PLPPR1: variants seen among roughly 807,000 people sequenced by gnomAD.
The protein encoded by PLPPR1 is phospholipid phosphatase-related protein type 1.
A neutral mutation model predicts 33.1 loss-of-function variants in PLPPR1; 10 were observed. The ratio of observed to expected loss-of-function variants is 0.30; its 90% confidence interval spans 0.19 to 0.51. The LOEUF (loss-of-function observed/expected upper bound fraction) is 0.51, where lower values mean the gene tolerates loss of function less well. Among genes scored for constraint, PLPPR1 ranks in the 20% least tolerant of loss-of-function variants. The pLI, the probability that PLPPR1 is intolerant of heterozygous loss-of-function variation, is 0.97. For missense variants in PLPPR1, 304 were observed against 408.1 expected (o/e 0.74, Z 2.20); for synonymous variants, 151 against 151.0 (o/e 1.00, Z 0.00).
At position 101,246,895 on chromosome 9, in the gene PLPPR1, A is replaced by G. The variant is rs980995759; in HGVS notation, c.64-22985A>G. Among the ~76,000 whole-genome samples, 4 of 152,106 alleles carry G rather than the reference A, an allele frequency of 2.6e-5. No homozygotes were observed. In the East Asian group the frequency reaches 5.9e-4, roughly 22 times the overall value. ...CACCTGCATGACTCAGCTCTCTTCT[A>G]TGAATCTTTCACATCCTTCCACCTA... On this transcript the variant is annotated intron_variant, in intron 2 of 7. Transcript: ENST00000374874.
At chr9:101,124,469 C>T (rs988134454) in intron 1 of PLPPR1, among the ~76,000 whole-genome samples, 3 of 152,156 alleles carry the variant, frequency 2.0e-5, no homozygotes, top group African/African-American at 7.2e-5. Flanking sequence ...GATCTGTTCC[C>T]ATGTCATGGG....
At chr9:101,218,894 C>G (rs1325577295) in intron 2 of PLPPR1, among the ~76,000 whole-genome samples, 1 of 152,124 alleles carries the variant, frequency 6.6e-6, no homozygotes, top group African/African-American at 2.4e-5. Flanking sequence ...TAAGGAAAGT[C>G]ACAGAGACAA....
chr9:101,109,398 G>A (rs12236239), intron 1 of PLPPR1, among the ~76,000 whole-genome samples: 49,164 of 151,808 alleles, frequency 0.32, 9,059 homozygotes, highest in East Asian at 0.7. Context: ...CCCCAAGGGC[G>A]TAGTTGATGC....
intron 3 of PLPPR1, among the ~76,000 whole-genome samples, chr9:101,275,895 G>A (rs780549311): frequency 1.3e-5 from 2 of 152,090 alleles, no homozygotes; most frequent in Non-Finnish European, 2.9e-5. Flanking sequence ...GAATTTCCTA[G>A]GAAAGGAAGA....
chr9:101,122,870 C>T (rs1420124159), intron 1 of PLPPR1, among the ~76,000 whole-genome samples: 3 of 152,328 alleles, frequency 2.0e-5, no homozygotes, highest in South Asian at 2.1e-4. Flanking sequence ...TGTTTCAGTT[C>T]TGTCCAGAGG....
rs188157889 is a variant in PLPPR1 at position 101,066,183 on chromosome 9, A to G, written c.-46+37081A>G. Among the ~76,000 whole-genome samples the G allele has an allele frequency of 2.1e-3, 319 of 152,042 alleles. 1 individual carries two copies. Among genetic ancestry groups the G allele is most frequent in the African/African-American group, 7.3e-3 (304 of 41,512 alleles). ...CAGATATTTCATATAATGTTTTTCA[A>G]TTTGGGTTTGTCTGATATTTTCTCA... On this transcript the variant is annotated intron_variant, in intron 1 of 7. Coordinates refer to ENST00000374874, the MANE Select transcript of PLPPR1 (RefSeq NM_207299.2).
At chr9:101,262,958 A>G (rs1219549787) in intron 2 of PLPPR1, among the ~76,000 whole-genome samples, 1 of 152,140 alleles carries the variant, frequency 6.6e-6, no homozygotes, top group Non-Finnish European at 1.5e-5. Flanking sequence ...GAAAAATGAG[A>G]ACACCTGGAC....
intron 1 of PLPPR1, chr9:101,131,748 G>A (rs770331396): frequency 6.6e-6 from 1 of 152,216 alleles, no homozygotes; most frequent in Admixed American, 6.5e-5. Flanking sequence ...TAGAGAAACA[G>A]GTAGTGAAGA....
chr9:101,239,066 T>C (rs888359800), intron 2 of PLPPR1, among the ~76,000 whole-genome samples: 1 of 142,362 alleles, frequency 7.0e-6, no homozygotes, highest in Non-Finnish European at 1.5e-5. Context: ...ATTGAGTGTG[T>C]GTGTGTGTGT....
chr9:101,214,009 T>A (rs749683388), intron 2 of PLPPR1, among the ~76,000 whole-genome samples: 26 of 152,318 alleles, frequency 1.7e-4, no homozygotes, highest in Admixed American at 7.8e-4. Flanking sequence ...ACAGTTCTGA[T>A]CTCTGAAGAG....
rs554293237 is a variant in PLPPR1, at chr9:101,249,462, C to A, written c.64-20418C>A. Reference sequence around the variant, plus strand: ...TGGAGTACCATGTGGAAAAGATCAACAGGAAAGAGTCCCAAAAATTATTGG... The same window carrying A: ...TGGAGTACCATGTGGAAAAGATCAAAAGGAAAGAGTCCCAAAAATTATTGG... On this transcript the variant is annotated intron_variant, in intron 2 of 7. Coordinates refer to ENST00000374874, the MANE Select transcript of PLPPR1 (RefSeq NM_207299.2). Among the ~76,000 whole-genome samples the A allele has an allele frequency of 2.6e-5, 4 of 152,194 alleles. No individual in the cohort carries two copies. In the East Asian group the frequency reaches 7.7e-4, roughly 29 times the overall value.
intron 5 of PLPPR1, among the ~76,000 whole-genome samples, chr9:101,310,594 G>A (rs967243630): frequency 3.3e-5 from 5 of 152,178 alleles, no homozygotes; most frequent in Admixed American, 2.6e-4. Context: ...TTCACCCCTA[G>A]GGTGGAAAAA....
chr9:101,200,031 A>C (rs1450474135), intron 2 of PLPPR1, among the ~76,000 whole-genome samples: 1 of 152,170 alleles, frequency 6.6e-6, no homozygotes, highest in Non-Finnish European at 1.5e-5. Flanking sequence ...GGGGCCTTGC[A>C]AACAGTTCTG....
chr9:101,122,400 T>G (rs955226035), intron 1 of PLPPR1, among the ~76,000 whole-genome samples: 1 of 152,216 alleles, frequency 6.6e-6, no homozygotes, highest in African/African-American at 2.4e-5. Flanking sequence ...ATGGCATGGT[T>G]CTAAGAGCTT....
chr9:101,081,887 G>A (rs923214628), intron 1 of PLPPR1, among the ~76,000 whole-genome samples: 3 of 152,200 alleles, frequency 2.0e-5, no homozygotes, highest in African/African-American at 7.2e-5. Context: ...ATCTTAACTT[G>A]GCTGGCATTG....
chr9:101,261,984 G>C (rs1223902190), intron 2 of PLPPR1, among the ~76,000 whole-genome samples: 2 of 149,770 alleles, frequency 1.3e-5, no homozygotes, highest in South Asian at 4.2e-4. Context: ...GAACTTAAAA[G>C]TTAAAAAAAA....
intron 2 of PLPPR1, among the ~76,000 whole-genome samples, chr9:101,207,238 A>G (rs1276699511): frequency 1.3e-5 from 2 of 152,144 alleles, no homozygotes; most frequent in East Asian, 1.9e-4. Context: ...AAATATTCAA[A>G]CTTTTTCTTT....
chr9:101,222,949 G>T (rs1826977055), intron 2 of PLPPR1, among the ~76,000 whole-genome samples: 1 of 151,694 alleles, frequency 6.6e-6, no homozygotes, highest in African/African-American at 2.4e-5. Context: ...CCCAACTAGT[G>T]ACAGTGAAAG....
At chr9:101,231,454 C>T (rs997789093) in intron 2 of PLPPR1, among the ~76,000 whole-genome samples, 1 of 151,398 alleles carries the variant, frequency 6.6e-6, no homozygotes, top group Non-Finnish European at 1.5e-5. Flanking sequence ...TCTCCTATTG[C>T]AAGAGTTTAA....
Sources: gnomAD v4.1 joint callset for allele counts (sites outside exome capture counted in the v4.1 genomes callset) on GRCh38, gnomAD v4.1.1 for gene constraint, MANE v1.5 for transcripts, NCBI Gene and HGNC (gene_info 2026-07-23, HGNC 2026-07-21) for gene names.